The following JMJD1C variants were observed in gnomAD, a reference collection of about 807,000 sequenced individuals.
The protein encoded by JMJD1C is jumonji domain-containing protein 1C.
JMJD1C carries 31 observed loss-of-function variants against 245.3 expected under a neutral mutation model. That is an observed-to-expected ratio of 0.13 (90% confidence interval 0.09 to 0.17). JMJD1C has a LOEUF of 0.17. Among genes scored for constraint, JMJD1C ranks in the 10% least tolerant of loss-of-function variants. The pLI is 1.00. For synonymous variants in JMJD1C, 1,057 were observed against 1,017.4 expected, an observed-to-expected ratio of 1.04 and a Z score of -0.74; for missense variants, 2,691 against 3,000.2, an observed-to-expected ratio of 0.90 and a Z score of 2.41.
chr10:63,438,757 A>G (rs910141679), intron 1 of JMJD1C, among the ~76,000 whole-genome samples: 2 of 152,164 alleles, frequency 1.3e-5, no homozygotes, highest in African/African-American at 4.8e-5. Context: ...TACTCCAGAC[A>G]TCTACGTGAC....
At chr10:63,297,638 C>T (rs1349783148) in intron 2 of JMJD1C, among the ~76,000 whole-genome samples, 4 of 152,204 alleles carry the variant, frequency 2.6e-5, no homozygotes, top group Non-Finnish European at 4.4e-5. Context: ...GGGGCCCAGA[C>T]CTTGGGGTTC....
chr10:63,234,876 CATAAAA>C (rs1850535797), intron 3 of JMJD1C, among the ~76,000 whole-genome samples: 1 of 152,012 alleles, frequency 6.6e-6, no homozygotes, highest in Non-Finnish European at 1.5e-5. Context: ...CTTTGCTAGT[CATAAAA>C]ATAAAAATTT....
rs1410687334 is a variant in JMJD1C at position 63,380,240 on chromosome 10, G to A, written c.333+78C>T. Reference sequence around the variant, plus strand: ...TTTACAGGTGTCAGTCACCAAACCTGGCCTTTGTTTTGTTGTTGTTGTTCT... The same window carrying A: ...TTTACAGGTGTCAGTCACCAAACCTAGCCTTTGTTTTGTTGTTGTTGTTCT... On this transcript the variant is annotated intron_variant, in intron 2 of 25. Coordinates refer to ENST00000399262, the MANE Select transcript of JMJD1C (RefSeq NM_032776.3). 2.1e-6 allele frequency: 3 copies of A among 1,436,822 alleles called. No individual in the cohort carries two copies. The African/African-American group carries it at 4.2e-5, about 20-fold the overall frequency. 89.0% of individuals were successfully genotyped at this position (1,436,822 alleles called of 1,614,324 possible).
At position 63,214,292 on chromosome 10, in the gene JMJD1C, A is replaced by C. The variant is rs756129934; in HGVS notation, c.1875T>G (p.Ser625=). The C allele has an allele frequency of 1.9e-6, 3 of 1,614,072 alleles. No individual in the cohort carries two copies. In the South Asian group the frequency reaches 3.3e-5, roughly 18 times the overall value. The change falls in exon 8 of 26, where the codon TCT becomes TCG. Residue 625 remains serine, a synonymous_variant. Transcript: ENST00000399262. The part of the protein sequence containing the change: ...KRSPPPETIK[S]KLNTSVDTHK... Reference sequence around the variant, plus strand: ...GAGTATCTACTGAAGTATTAAGTTTAGATTTTATAGTCTCTGGAGGTGGAC... The same window carrying C: ...GAGTATCTACTGAAGTATTAAGTTTCGATTTTATAGTCTCTGGAGGTGGAC...
chr10:63,517,726 CT>C (rs1955064737), intron 1 of JMJD1C, among the ~76,000 whole-genome samples: 1 of 151,770 alleles, frequency 6.6e-6, no homozygotes, highest in Admixed American at 6.6e-5. Flanking sequence ...ACTATATTTC[CT>C]TTTCTCCCAG....
chr10:63,258,237 A>G lies in JMJD1C; in HGVS notation c.447+6414T>C, dbSNP rs182498150. Among the ~76,000 whole-genome samples the G allele has an allele frequency of 2.6e-5, 4 of 152,362 alleles. No homozygotes were observed. The East Asian group carries it at 7.7e-4, about 29-fold the overall frequency. Reference sequence around the variant, plus strand: ...ATTCAGAGCAGCTGAGACTTTCCCAATGTGAACTAGCTAACAAATGCTAAA... The same window carrying G: ...ATTCAGAGCAGCTGAGACTTTCCCAGTGTGAACTAGCTAACAAATGCTAAA... On this transcript the variant is annotated intron_variant, in intron 3 of 25. Coordinates refer to ENST00000399262, the MANE Select transcript of JMJD1C (RefSeq NM_032776.3).
intron 1 of JMJD1C, among the ~76,000 whole-genome samples, chr10:63,385,153 C>T (rs1310987905): frequency 6.6e-6 from 1 of 152,088 alleles, no homozygotes; most frequent in Admixed American, 6.6e-5. Flanking sequence ...TCAGAACACA[C>T]ATAGTGTTCT....
intron 2 of JMJD1C, among the ~76,000 whole-genome samples, chr10:63,328,084 G>A (rs974832484): frequency 6.6e-6 from 1 of 152,016 alleles, no homozygotes; most frequent in Non-Finnish European, 1.5e-5. Flanking sequence ...AGGCCAGCCT[G>A]GCCAACATGG....
At chr10:63,490,666 G>A (rs760361381) in intron 1 of JMJD1C, among the ~76,000 whole-genome samples, 3 of 151,808 alleles carry the variant, frequency 2.0e-5, no homozygotes, top group Non-Finnish European at 2.9e-5. Flanking sequence ...CACCCACCTC[G>A]GCTTCCCAAA....
intron 1 of JMJD1C, among the ~76,000 whole-genome samples, chr10:63,436,562 A>AT (rs1951069046): frequency 6.6e-6 from 1 of 152,102 alleles, no homozygotes; most frequent in Non-Finnish European, 1.5e-5. Flanking sequence ...GTACCCTAAA[A>AT]TGTTATTCAT....
intron 21 of JMJD1C, among the ~76,000 whole-genome samples, chr10:63,184,284 A>C (rs1843841465): frequency 7.0e-6 from 1 of 142,086 alleles, no homozygotes; most frequent in Admixed American, 7.3e-5. Flanking sequence ...TCTGTTGCCC[A>C]GGCTGGAGTG....
chr10:63,399,213 A>C (rs1948700838), intron 1 of JMJD1C, among the ~76,000 whole-genome samples: 1 of 152,206 alleles, frequency 6.6e-6, no homozygotes, highest in South Asian at 2.1e-4. Context: ...GACAATCTTC[A>C]AGGTAGCTCC....
At chr10:63,279,364 G>GA (rs1245830975) in intron 2 of JMJD1C, among the ~76,000 whole-genome samples, 3 of 151,886 alleles carry the variant, frequency 2.0e-5, no homozygotes, top group East Asian at 1.9e-4. Flanking sequence ...CATTGAAACA[G>GA]AAAAAAAATT....
intron 3 of JMJD1C, among the ~76,000 whole-genome samples, chr10:63,233,399 C>A (rs1850253045): frequency 6.6e-6 from 1 of 151,902 alleles, no homozygotes; most frequent in African/African-American, 2.4e-5. Flanking sequence ...TAAAATTAGA[C>A]TTAAAAAAAA....
intron 4 of JMJD1C, chr10:63,217,855 AT>A (rs1848175863): frequency 6.6e-6 from 1 of 152,130 alleles, no homozygotes; most frequent in African/African-American, 2.4e-5. Context: ...AGCACTAAAA[AT>A]TTTTAACGAA....
chr10:63,472,701 T>G (rs559689774), intron 1 of JMJD1C, among the ~76,000 whole-genome samples: 3 of 152,350 alleles, frequency 2.0e-5, no homozygotes, highest in African/African-American at 7.2e-5. Flanking sequence ...TATATTTATG[T>G]TGCAGCCTTA....
intron 1 of JMJD1C, among the ~76,000 whole-genome samples, chr10:63,501,604 C>T (rs1381995872): frequency 4.6e-5 from 7 of 152,004 alleles, no homozygotes; most frequent in Non-Finnish European, 1.0e-4. Context: ...AGTGAAACCC[C>T]ATCTCTACTA....
Position 63,285,926 on chromosome 10 carries a change from C to CA in JMJD1C, c.334-21163dup, listed in dbSNP as rs573832652. On this transcript the variant is annotated intron_variant, in intron 2 of 25. Transcript: ENST00000399262. ...AAGCCCATTTGCTTGAGAGCAGCCC[C>CA]AGCTAGGAATCTATACTTTTTATCA... Among the ~76,000 whole-genome samples the CA allele has an allele frequency of 7.9e-5, 12 of 152,324 alleles. No individual in the cohort carries two copies. In the South Asian group the frequency reaches 2.5e-3, roughly 32 times the overall value.
Position 63,308,314 on chromosome 10 carries a change from G to T in JMJD1C, c.334-43550C>A, listed in dbSNP as rs144042410. Among the ~76,000 whole-genome samples the T allele has an allele frequency of 3.1e-3, 471 of 152,290 alleles. 2 individuals carry two copies. Among genetic ancestry groups the T allele is most frequent in the African/African-American group, 0.011 (458 of 41,564 alleles). On this transcript the variant is annotated intron_variant, in intron 2 of 25. Coordinates refer to ENST00000399262, the MANE Select transcript of JMJD1C (RefSeq NM_032776.3). Reference sequence around the variant, plus strand: ...CCTGAGGAAAGTAACCAGTCTAGGAGATGATATCTCAAAATTCTAGTATAC... The same window carrying T: ...CCTGAGGAAAGTAACCAGTCTAGGATATGATATCTCAAAATTCTAGTATAC...
Sources: gnomAD v4.1 joint callset for allele counts (sites outside exome capture counted in the v4.1 genomes callset) on GRCh38, gnomAD v4.1.1 for gene constraint, MANE v1.5 for transcripts, NCBI Gene and HGNC (gene_info 2026-07-23, HGNC 2026-07-21) for gene names.